Variants in TBC1D9 observed in about 807,000 individuals in gnomAD.
TBC1D9 encodes TBC1 domain family member 9.
A neutral mutation model predicts 132.0 loss-of-function variants in TBC1D9; 63 were observed. The ratio of observed to expected loss-of-function variants is 0.48; its 90% CI spans 0.39 to 0.59. The LOEUF is 0.59. Among genes scored for constraint, TBC1D9 ranks in the 20% least tolerant of loss-of-function variants. TBC1D9 has a pLI of 0.00. For missense variants in TBC1D9, 1,261 were observed against 1,592.7 expected (o/e 0.79, Z 3.54); for synonymous variants, 610 against 609.9 (o/e 1.00, Z 0.00).
intron 2 of TBC1D9, among the ~76,000 whole-genome samples, chr4:140,700,530 A>T (rs866136517): frequency 1.6e-4 from 25 of 151,696 alleles, no homozygotes; most frequent in South Asian, 6.3e-4. Context: ...ATTAAAAAAA[A>T]TTTTTTTTGC....
intron 9 of TBC1D9, among the ~76,000 whole-genome samples, chr4:140,664,261 A>T (rs896664863): frequency 2.0e-5 from 3 of 151,320 alleles, no homozygotes; most frequent in Non-Finnish European, 4.4e-5. Context: ...AAAAAAGAAT[A>T]AAATATTTCG....
chr4:140,652,782 T>C (rs1737207167), intron 13 of TBC1D9, among the ~76,000 whole-genome samples: 1 of 152,222 alleles, frequency 6.6e-6, no homozygotes, highest in South Asian at 2.1e-4. Flanking sequence ...ATAGTAATCA[T>C]TAATAAGCCA....
chr4:140,676,683 A>T lies in TBC1D9; in HGVS notation c.1059+211T>A, dbSNP rs561956493. On this transcript the variant is annotated intron_variant, in intron 6 of 20. Coordinates refer to ENST00000442267, the MANE Select transcript of TBC1D9 (RefSeq NM_015130.3). The stretch of plus-strand genomic sequence containing the variant: ...ATAAAATAAAAACAAAACCTACATT[A>T]AAAAACCCCCATGCAGCTTCTGGAA... 6.6e-5 allele frequency among the ~76,000 whole-genome samples: 10 copies of T among 152,166 alleles called. No individual in the cohort carries two copies. The South Asian group carries it at 2.1e-3, about 32-fold the overall frequency.
intron 1 of TBC1D9, among the ~76,000 whole-genome samples, chr4:140,752,642 T>C (rs1560905017): frequency 6.6e-6 from 1 of 152,222 alleles, no homozygotes; most frequent in Non-Finnish European, 1.5e-5. Flanking sequence ...TAATTTTATG[T>C]ATATGTATGA....
intron 9 of TBC1D9, among the ~76,000 whole-genome samples, chr4:140,667,384 A>T (rs1737464684): frequency 6.6e-6 from 1 of 152,208 alleles, no homozygotes; most frequent in Non-Finnish European, 1.5e-5. Flanking sequence ...TTCACTTAAA[A>T]TGCAGCTATA....
At chr4:140,703,190 G>T (rs1738098231) in intron 1 of TBC1D9, among the ~76,000 whole-genome samples, 1 of 152,168 alleles carries the variant, frequency 6.6e-6, no homozygotes, top group Admixed American at 6.5e-5. Context: ...AGCCTCCCTT[G>T]TTTGCAACTG....
intron 13 of TBC1D9, chr4:140,644,921 C>T (rs773614981): frequency 9.4e-5 from 42 of 446,370 alleles, no homozygotes; most frequent in African/African-American, 2.3e-4. Context: ...TGGGTGGGAA[C>T]GCAGGGGCCA....
At chr4:140,656,814 A>G (rs1263976064) in intron 13 of TBC1D9, among the ~76,000 whole-genome samples, 1 of 152,210 alleles carries the variant, frequency 6.6e-6, no homozygotes, top group Non-Finnish European at 1.5e-5. Flanking sequence ...TAATGGCACT[A>G]TAAAAAGGTC....
At chr4:140,733,935 C>T (rs1209568155) in intron 1 of TBC1D9, among the ~76,000 whole-genome samples, 10 of 152,016 alleles carry the variant, frequency 6.6e-5, no homozygotes, top group Admixed American at 3.3e-4. Flanking sequence ...TTCTCTCCTC[C>T]GCTCTTCCTC....
In TBC1D9 at chr4:140,661,920, A is replaced by G. The variant is rs753841524; in HGVS notation, c.1776T>C (p.Phe592=). The change falls in exon 10 of 21, where the codon TTT becomes TTC. Residue 592 remains phenylalanine, a synonymous_variant. Transcript: ENST00000442267. ...ALRRVLTAYA[F]RNPNIGYCQA... ...GGCAATACCCTATGTTGGGATTTCGAAAAGCATAAGCTGTTAAGACTCTCC... is the reference window on the plus strand; with the variant it reads ...GGCAATACCCTATGTTGGGATTTCGGAAAGCATAAGCTGTTAAGACTCTCC... 1 of 1,613,934 alleles carries G rather than the reference A, an allele frequency of 6.2e-7. No homozygotes were observed. The highest frequency in any genetic ancestry group is 1.1e-5 in the South Asian group (1 of 91,086).
At chr4:140,687,343 CATATAT>C (rs200090051) in intron 2 of TBC1D9, among the ~76,000 whole-genome samples, 704 of 37,540 alleles carry the variant, frequency 0.019, 11 homozygotes, top group East Asian at 0.039. Context: ...GTGTGTGTGT[CATATAT>C]ATATATATAT....
chr4:140,708,025 G>A (rs1411604319), intron 1 of TBC1D9, among the ~76,000 whole-genome samples: 2 of 151,848 alleles, frequency 1.3e-5, no homozygotes, highest in African/African-American at 4.8e-5. Flanking sequence ...GCAATTTAAG[G>A]ACAAGCACTG....
At chr4:140,668,607 C>T (rs1167082327) in intron 9 of TBC1D9, among the ~76,000 whole-genome samples, 3 of 152,166 alleles carry the variant, frequency 2.0e-5, no homozygotes, top group Non-Finnish European at 4.4e-5. Context: ...ACTGAAGTCA[C>T]AAAGTATTCT....
chr4:140,749,971 CAGTTACTATA>C (rs1738896008), intron 1 of TBC1D9, among the ~76,000 whole-genome samples: 1 of 151,954 alleles, frequency 6.6e-6, no homozygotes, highest in East Asian at 1.9e-4. Flanking sequence ...ACTTGAAAAT[CAGTTACTATA>C]AGTTACCACA....
chr4:140,702,954 T>C (rs148583657), intron 1 of TBC1D9, among the ~76,000 whole-genome samples: 3 of 152,152 alleles, frequency 2.0e-5, no homozygotes, highest in Non-Finnish European at 2.9e-5. Flanking sequence ...TTTTCTCAAT[T>C]GCCAAATGGA....
chr4:140,671,060 T>C (rs1328703732), intron 6 of TBC1D9, 134 bp from the exon 7 acceptor site: 1 of 664,592 alleles, frequency 1.5e-6, no homozygotes. Flanking sequence ...GAAGCAAAAC[T>C]GAGACTCTTT....
At chr4:140,644,867 A>G in intron 13 of TBC1D9, 1 of 430,290 alleles carries the variant, frequency 2.3e-6, no homozygotes, top group Non-Finnish European at 4.6e-6. Context: ...CCCGACTGGG[A>G]GTCCCTGACA....
chr4:140,656,110 G>A (rs2110995470), intron 13 of TBC1D9, among the ~76,000 whole-genome samples: 1 of 152,296 alleles, frequency 6.6e-6, no homozygotes, highest in Admixed American at 6.5e-5. Context: ...AAAGCTGTCA[G>A]CTAGCACAGA....
chr4:140,663,796 C>T (rs1737401862), intron 9 of TBC1D9, among the ~76,000 whole-genome samples: 1 of 151,876 alleles, frequency 6.6e-6, no homozygotes, highest in Non-Finnish European at 1.5e-5. Context: ...CACAGAAAGA[C>T]AAGTAATACA....
Sources: allele counts gnomAD v4.1 joint callset (sites outside exome capture counted in the v4.1 genomes callset), GRCh38; gene constraint gnomAD v4.1.1; transcripts MANE v1.5; gene names NCBI Gene and HGNC (gene_info 2026-07-23, HGNC 2026-07-21).